The following PRKCE variants were observed in gnomAD, a reference collection of about 807,000 sequenced individuals.
PRKCE encodes protein kinase C epsilon type.
Under a neutral mutation model 85.4 loss-of-function variants are expected in PRKCE, and 16 were observed. The ratio of observed to expected loss-of-function variants is 0.19; its 90% CI spans 0.13 to 0.28. The LOEUF is 0.28. PRKCE is among the 10% of genes least tolerant of loss of function. The pLI, the probability that PRKCE is intolerant of heterozygous loss-of-function variation, is 1.00. For synonymous variants in PRKCE, 388 were observed against 371.5 expected, an observed-to-expected ratio of 1.04 and a Z score of -0.51; for missense variants, 573 against 975.2, an observed-to-expected ratio of 0.59 and a Z score of 5.49.
chr2:45,777,455 C>A (rs757097531), intron 1 of PRKCE, among the ~76,000 whole-genome samples: 1 of 151,950 alleles, frequency 6.6e-6, no homozygotes, highest in Non-Finnish European at 1.5e-5. Flanking sequence ...TCAGTATTGC[C>A]AATGAAGGCA....
At chr2:45,766,773 C>T (rs1337660829) in intron 1 of PRKCE, among the ~76,000 whole-genome samples, 4 of 152,226 alleles carry the variant, frequency 2.6e-5, no homozygotes, top group African/African-American at 7.2e-5. Flanking sequence ...GGCACGGAGG[C>T]TCATGCCTGT....
chr2:45,890,495 T>A (rs1695643329), intron 2 of PRKCE, among the ~76,000 whole-genome samples: 1 of 152,118 alleles, frequency 6.6e-6, no homozygotes, highest in Non-Finnish European at 1.5e-5. Flanking sequence ...TTCTCGTGCC[T>A]CAGCCTCCTG....
chr2:46,015,000 T>C (rs1440939324), intron 10 of PRKCE, among the ~76,000 whole-genome samples: 1 of 152,140 alleles, frequency 6.6e-6, no homozygotes, highest in Non-Finnish European at 1.5e-5. Flanking sequence ...GGAGGGTATT[T>C]GGAAAATAAG....
intron 14 of PRKCE, among the ~76,000 whole-genome samples, chr2:46,174,298 C>T (rs1553371077): frequency 6.6e-6 from 1 of 152,214 alleles, no homozygotes; most frequent in Non-Finnish European, 1.5e-5. Flanking sequence ...CCATCTGTGC[C>T]ATCGTGCTTA....
chr2:45,851,458 A>G (rs1445180002), intron 2 of PRKCE, among the ~76,000 whole-genome samples: 5 of 152,116 alleles, frequency 3.3e-5, no homozygotes, highest in African/African-American at 1.2e-4. Context: ...TGGGAGGGGT[A>G]TGTGTGTGTG....
chr2:45,870,452 A>T (rs1573685824), intron 2 of PRKCE, among the ~76,000 whole-genome samples: 1 of 152,208 alleles, frequency 6.6e-6, no homozygotes, highest in South Asian at 2.1e-4. Context: ...CAGTCATTGT[A>T]TTTTAACATC....
In PRKCE at chr2:46,004,733, G is replaced by C. The variant is rs1705020084; in HGVS notation, c.1063+95G>C. 2 of 1,056,190 alleles carry C rather than the reference G, an allele frequency of 1.9e-6. No homozygotes were observed. Among genetic ancestry groups the C allele is most frequent in the South Asian group, 1.4e-5 (1 of 72,256 alleles). The allele number at this position is 1,056,190 out of a possible 1,614,324, so 65.4% of individuals were successfully genotyped here. On this transcript the variant is annotated intron_variant, in intron 8 of 14. Coordinates refer to ENST00000306156, the MANE Select transcript of PRKCE (RefSeq NM_005400.3). This position sits in a 1 kb window ranked among gnomAD's most constrained non-coding sequence, Gnocchi z 4.1. ...TCTTTAACCAAGAGTGAGCTTGTTAGCTGAAATAGCTAGCAGCCCTGGTGG... is the reference window on the plus strand; with the variant it reads ...TCTTTAACCAAGAGTGAGCTTGTTACCTGAAATAGCTAGCAGCCCTGGTGG...
intron 7 of PRKCE, among the ~76,000 whole-genome samples, chr2:46,003,504 T>G (rs1379514703): frequency 6.6e-6 from 1 of 152,256 alleles, no homozygotes; most frequent in Non-Finnish European, 1.5e-5. Flanking sequence ...TCTTACTTTG[T>G]GTAAGTCACT....
chr2:45,915,478 G>T (rs1028489012), intron 2 of PRKCE, among the ~76,000 whole-genome samples: 1 of 152,174 alleles, frequency 6.6e-6, no homozygotes, highest in Admixed American at 6.5e-5. Context: ...CAAAGCTCCA[G>T]TGAACCCTAA....
At chr2:46,121,058 G>T (rs971103997) in intron 11 of PRKCE, among the ~76,000 whole-genome samples, 4 of 152,154 alleles carry the variant, frequency 2.6e-5, no homozygotes, top group African/African-American at 4.8e-5. Flanking sequence ...GAGCCTTTTG[G>T]ACTACTTGGA....
chr2:45,945,352 G>A (rs142863367), intron 2 of PRKCE, among the ~76,000 whole-genome samples: 151 of 152,252 alleles, frequency 9.9e-4, no homozygotes, highest in African/African-American at 3.4e-3. Context: ...GTCACATGGC[G>A]AGAGCTGAAG....
chr2:45,978,286 C>T (rs1252887581), intron 3 of PRKCE: 2 of 152,296 alleles, frequency 1.3e-5, no homozygotes, highest in East Asian at 3.8e-4. Flanking sequence ...GCCTGAATAG[C>T]TTCTGGTTCC....
At chr2:46,005,762 G>T (rs773765452) in intron 8 of PRKCE, among the ~76,000 whole-genome samples, 1 of 152,060 alleles carries the variant, frequency 6.6e-6, no homozygotes, top group Admixed American at 6.5e-5. Flanking sequence ...GTCCCTCTTC[G>T]TGCTACTCCA....
At chr2:45,717,146 C>T (rs1522985) in intron 1 of PRKCE, among the ~76,000 whole-genome samples, 17,548 of 152,164 alleles carry the variant, frequency 0.12, 1,099 homozygotes, top group East Asian at 0.16. Context: ...GATGAGGATC[C>T]CATTGTTTGC....
intron 11 of PRKCE, among the ~76,000 whole-genome samples, chr2:46,128,801 T>C (rs751898829): frequency 1.3e-5 from 2 of 152,170 alleles, no homozygotes; most frequent in Non-Finnish European, 2.9e-5. Flanking sequence ...AAAGACCTTC[T>C]GCACTGGAAA....
intron 11 of PRKCE, among the ~76,000 whole-genome samples, chr2:46,124,840 C>T (rs528786576): frequency 2.6e-5 from 4 of 152,276 alleles, no homozygotes; most frequent in Admixed American, 6.5e-5. Context: ...TAAAATATCA[C>T]GTGCCCCAAA....
At chr2:45,712,273 G>A (rs1291212024) in intron 1 of PRKCE, among the ~76,000 whole-genome samples, 1 of 145,496 alleles carries the variant, frequency 6.9e-6, no homozygotes, top group Admixed American at 7.1e-5. Flanking sequence ...TCATCCTCCC[G>A]AGTAGCTGCG....
chr2:45,888,529 A>T (rs1695473706), intron 2 of PRKCE, among the ~76,000 whole-genome samples: 3 of 134,750 alleles, frequency 2.2e-5, no homozygotes, highest in Non-Finnish European at 4.6e-5. Context: ...CTGGACTGCA[A>T]TGGCGCGATC....
intron 11 of PRKCE, among the ~76,000 whole-genome samples, chr2:46,126,442 G>C (rs1323135170): frequency 2.6e-5 from 4 of 152,070 alleles, no homozygotes; most frequent in Non-Finnish European, 5.9e-5. Context: ...CCCCCACATG[G>C]ACTCCCATGG....
Sources: allele counts gnomAD v4.1 joint callset (sites outside exome capture counted in the v4.1 genomes callset), GRCh38; gene constraint gnomAD v4.1.1; non-coding constraint Gnocchi (gnomAD v3.1); transcripts MANE v1.5; gene names NCBI Gene and HGNC (gene_info 2026-07-23, HGNC 2026-07-21).